The following MOB4 variants were observed in gnomAD, a reference collection of about 807,000 sequenced individuals.
MOB4 encodes the protein MOB-like protein phocein.
A neutral mutation model predicts 32.2 loss-of-function variants in MOB4; 4 were observed. The ratio of observed to expected loss-of-function variants is 0.12; its 90% CI spans 0.06 to 0.28. The LOEUF is 0.28. MOB4 is among the 10% of genes least tolerant of loss of function. The pLI, the probability that MOB4 is intolerant of heterozygous loss-of-function variation, is 1.00. For missense variants in MOB4, 158 were observed against 271.2 expected, an observed-to-expected ratio of 0.58 and a Z score of 2.93; for synonymous variants, 88 against 88.1, an observed-to-expected ratio of 1.00 and a Z score of 0.01.
Position 197,527,943 on chromosome 2 carries a change from T to A in MOB4, c.123+4257T>A, listed in dbSNP as rs187493347. 9.0e-3 allele frequency among the ~76,000 whole-genome samples: 1,365 copies of A among 152,344 alleles called. 10 individuals are homozygous for A. The highest frequency in any genetic ancestry group is 0.014 in the Non-Finnish European group (927 of 68,030). ...GTATATTGCATTGTTGTTGTTTTTT[T>A]AAAAATGTTGAACCATCTTTGCATT... On this transcript the variant is annotated intron_variant, in intron 2 of 7. Coordinates refer to ENST00000323303, the MANE Select transcript of MOB4 (RefSeq NM_015387.5).
At chr2:197,522,578 G>A (rs1023070954) in intron 1 of MOB4, among the ~76,000 whole-genome samples, 22 of 151,558 alleles carry the variant, frequency 1.5e-4, no homozygotes, top group African/African-American at 4.8e-4. Flanking sequence ...TGATCCTTCC[G>A]CCTCGGCCTC....
rs1184439731 is a variant in MOB4, at chr2:197,551,700, A to G, written c.*1054A>G. On this transcript the variant is annotated 3_prime_UTR_variant, in exon 8 of 8. Coordinates refer to ENST00000323303, the MANE Select transcript of MOB4 (RefSeq NM_015387.5). Reference sequence around the variant, plus strand: ...CCTCTCCCACGAAGTTTATGTTTGGATTACATGCACGTGTGAGATTATTTG... The same window carrying G: ...CCTCTCCCACGAAGTTTATGTTTGGGTTACATGCACGTGTGAGATTATTTG... 6.6e-6 allele frequency: 1 copy of G among 152,622 alleles called. No individual in the cohort carries two copies. The highest frequency in any genetic ancestry group is 1.5e-5 in the Non-Finnish European group (1 of 68,028). 9.5% of individuals were successfully genotyped at this position (152,622 alleles called of 1,614,324 possible).
At chr2:197,528,626 T>G (rs2086648000) in intron 2 of MOB4, among the ~76,000 whole-genome samples, 1 of 149,652 alleles carries the variant, frequency 6.7e-6, no homozygotes, top group East Asian at 1.9e-4. Context: ...CTTTTTTTTT[T>G]TTTTTTTGAG....
upstream of MOB4, chr2:197,515,982 T>G (rs1004778014): frequency 6.6e-5 from 81 of 1,223,294 alleles, no homozygotes; most frequent in Non-Finnish European, 7.8e-5. Flanking sequence ...TTCCGTCAGC[T>G]GCCGCTCCTC....
intron 3 of MOB4, 47 bp downstream of exon 3, chr2:197,535,677 C>T (rs2086785037): frequency 6.4e-7 from 1 of 1,557,204 alleles, no homozygotes; most frequent in Non-Finnish European, 8.7e-7. Flanking sequence ...ACAAAACTAG[C>T]TTTCATATTA....
chr2:197,547,992 CATA>C (rs897044376), intron 5 of MOB4, among the ~76,000 whole-genome samples: 2 of 152,054 alleles, frequency 1.3e-5, no homozygotes, highest in African/African-American at 2.4e-5. Flanking sequence ...GTGCTAGGGA[CATA>C]ATAAGGAATA....
At chr2:197,529,938 CA>C (rs914795420) in intron 2 of MOB4, among the ~76,000 whole-genome samples, 1 of 152,048 alleles carries the variant, frequency 6.6e-6, no homozygotes, top group African/African-American at 2.4e-5. Context: ...AGGCGTGAGC[CA>C]CCCCACCTGG....
upstream of MOB4, chr2:197,515,805 C>T (rs2106095688): frequency 4.0e-6 from 2 of 504,578 alleles, no homozygotes; most frequent in Non-Finnish European, 3.5e-6. Flanking sequence ...GCGATCACGA[C>T]CTTTCAAACC....
At position 197,551,766 on chromosome 2, in the gene MOB4, AC is replaced by A. The variant is rs2087101910; in HGVS notation, c.*1121del. The A allele has an allele frequency of 6.6e-6, 1 of 152,358 alleles. No individual in the cohort carries two copies. The highest frequency in any genetic ancestry group is 6.6e-5 in the Admixed American group (1 of 15,266). 9.4% of individuals were successfully genotyped at this position (152,358 alleles called of 1,614,324 possible). ...TCCAAGGGTGTTGATGAATAGTCAT[AC>A]ATTTTTTTGGACTTTGTTATAATTC... On this transcript the variant is annotated 3_prime_UTR_variant, in exon 8 of 8. Coordinates refer to ENST00000323303, the MANE Select transcript of MOB4 (RefSeq NM_015387.5).
chr2:197,539,796 C>T (rs2086866727), intron 3 of MOB4, among the ~76,000 whole-genome samples: 1 of 152,054 alleles, frequency 6.6e-6, no homozygotes, highest in South Asian at 2.1e-4. Context: ...ATGACTTAGT[C>T]GAAAAGTATA....
chr2:197,515,677 G>T, upstream of MOB4: 1 of 196,262 alleles, frequency 5.1e-6, no homozygotes, highest in Non-Finnish European at 1.1e-5. Context: ...CTAAGTATTT[G>T]CTTGCAGGTG....
upstream of MOB4, chr2:197,515,953 C>T: frequency 1.1e-6 from 1 of 914,908 alleles, no homozygotes; most frequent in Non-Finnish European, 1.6e-6. Flanking sequence ...CGGACGGCTC[C>T]CGGCGCAGGC....
chr2:197,522,602 G>T (rs377126712), intron 1 of MOB4, among the ~76,000 whole-genome samples: 10 of 151,940 alleles, frequency 6.6e-5, no homozygotes, highest in African/African-American at 2.4e-4. Flanking sequence ...AAGTGGTAGG[G>T]TTACTGGTGT....
intron 3 of MOB4, 89 bp from the exon 4 acceptor site, chr2:197,540,022 A>G: frequency 7.1e-7 from 1 of 1,405,450 alleles, no homozygotes; most frequent in Non-Finnish European, 9.7e-7. Context: ...GAGGGATGAT[A>G]CTGATGGGAT....
At chr2:197,540,008 G>GT in intron 3 of MOB4, 103 bp from the exon 4 acceptor site, 1 of 1,240,740 alleles carries the variant, frequency 8.1e-7, no homozygotes, top group Non-Finnish European at 1.1e-6. Flanking sequence ...TGGTAATGAG[G>GT]GAGGAGGGAT....
chr2:197,549,872 A>G (rs1330496039), intron 6 of MOB4, among the ~76,000 whole-genome samples: 5 of 151,596 alleles, frequency 3.3e-5, no homozygotes, highest in African/African-American at 1.2e-4. Flanking sequence ...AAAAAAAAAA[A>G]AAAAAAAGAA....
At chr2:197,529,243 C>T (rs911207179) in intron 2 of MOB4, among the ~76,000 whole-genome samples, 1 of 152,172 alleles carries the variant, frequency 6.6e-6, no homozygotes, top group Non-Finnish European at 1.5e-5. Flanking sequence ...ACTGGGATTA[C>T]AGACATGAGC....
At chr2:197,531,181 G>A (rs1017315574) in intron 2 of MOB4, among the ~76,000 whole-genome samples, 7 of 151,622 alleles carry the variant, frequency 4.6e-5, no homozygotes, top group African/African-American at 1.7e-4. Flanking sequence ...CCGAGTAGCT[G>A]GGACTACAAG....
chr2:197,537,691 C>T (rs994593582), intron 3 of MOB4, among the ~76,000 whole-genome samples: 1 of 152,154 alleles, frequency 6.6e-6, no homozygotes, highest in Non-Finnish European at 1.5e-5. Context: ...GATATTTTCC[C>T]ATTTTTACAA....
Sources: gnomAD v4.1 joint callset for allele counts (sites outside exome capture counted in the v4.1 genomes callset) on GRCh38, gnomAD v4.1.1 for gene constraint, MANE v1.5 for transcripts, NCBI Gene and HGNC (gene_info 2026-07-23, HGNC 2026-07-21) for gene names.